Variants in MRAP2 observed in about 807,000 individuals in gnomAD.
MRAP2 encodes the protein melanocortin 2 receptor accessory protein 2.
In MRAP2, 20 loss-of-function variants were observed where a neutral mutation model predicts 17.4. The observed-to-expected ratio is 1.15, with a 90% CI of 0.81 to 1.67. MRAP2 has a LOEUF of 1.67. Ranked by LOEUF, MRAP2 falls within the 40% of genes most tolerant of loss-of-function variation. The pLI, the probability that MRAP2 is intolerant of heterozygous loss-of-function variation, is 0.00. For synonymous variants in MRAP2, 96 were observed against 88.4 expected, an observed-to-expected ratio of 1.09 and a Z score of -0.48; for missense variants, 238 against 240.0, an observed-to-expected ratio of 0.99 and a Z score of 0.05.
At chr6:84,146,102 C>T in the MRAP2 span, among the ~76,000 whole-genome samples, 3 of 152,068 alleles carry the variant, frequency 2.0e-5, no homozygotes, top group African/African-American at 4.8e-5. Flanking sequence ...TTCAGCTGCA[C>T]TTGTTCCAAT....
chr6:84,139,335 C>T, the MRAP2 span, among the ~76,000 whole-genome samples: 2 of 152,114 alleles, frequency 1.3e-5, no homozygotes, highest in Non-Finnish European at 2.9e-5. Context: ...ATTGATTGTT[C>T]TTTGTTGAAG....
chr6:84,129,934 C>T, the MRAP2 span, among the ~76,000 whole-genome samples: 1 of 152,144 alleles, frequency 6.6e-6, no homozygotes, highest in Non-Finnish European at 1.5e-5. Flanking sequence ...GCATCCTTGT[C>T]CTGTGCTGGT....
chr6:84,093,079 T>C (rs371714844), downstream of MRAP2, among the ~76,000 whole-genome samples: 14 of 152,362 alleles, frequency 9.2e-5, no homozygotes, highest in South Asian at 2.7e-3. Flanking sequence ...TGAGTAGTTT[T>C]ATCAGCCTTT....
rs559778864 is a variant in MRAP2, at chr6:84,068,624, G to GT, written c.227+5635dup. Among the ~76,000 whole-genome samples the GT allele has an allele frequency of 5.8e-3, 873 of 151,706 alleles. 5 individuals carry two copies. Among genetic ancestry groups the GT allele is most frequent in the African/African-American group, 0.02 (842 of 41,350 alleles). On this transcript the variant is annotated intron_variant, in intron 3 of 3. Coordinates refer to ENST00000257776, the MANE Select transcript of MRAP2 (RefSeq NM_138409.4). ...GACTCCTTTGTTAGGTTATTCCTAAGTTTGTTTTTTTGTTTTTTGTTTTTT... is the reference window on the plus strand; with the variant it reads ...GACTCCTTTGTTAGGTTATTCCTAAGTTTTGTTTTTTTGTTTTTTGTTTTTT...
the MRAP2 span, among the ~76,000 whole-genome samples, chr6:84,104,839 G>T: frequency 4.5e-3 from 692 of 152,172 alleles, 8 homozygotes; most frequent in African/African-American, 0.016. Flanking sequence ...CTGCCCTCCA[G>T]CCTGGGCTAC....
intron 2 of MRAP2, among the ~76,000 whole-genome samples, chr6:84,060,766 A>G (rs2129166797): frequency 6.6e-6 from 1 of 151,518 alleles, no homozygotes; most frequent in South Asian, 2.1e-4. Flanking sequence ...GCTCACTGCA[A>G]GCTCCACCTG....
intron 1 of MRAP2, among the ~76,000 whole-genome samples, chr6:84,050,664 A>G (rs2099490206): frequency 6.6e-6 from 1 of 152,198 alleles, no homozygotes; most frequent in Non-Finnish European, 1.5e-5. Flanking sequence ...TGACTTCTCT[A>G]TGTTGTGCGG....
the MRAP2 span, among the ~76,000 whole-genome samples, chr6:84,142,508 A>G: frequency 6.6e-6 from 1 of 152,192 alleles, no homozygotes; most frequent in African/African-American, 2.4e-5. Context: ...CAGAAAAAGA[A>G]GCACTTACAC....
upstream of MRAP2, chr6:84,033,711 C>G (rs539935530): frequency 3.9e-3 from 3,800 of 985,210 alleles, 9 homozygotes; most frequent in Middle Eastern, 4.7e-3. Flanking sequence ...TCCGGCGCCC[C>G]GCGCCGCCTC....
At chr6:84,034,522 TG>T (rs1562866198) in intron 1 of MRAP2, among the ~76,000 whole-genome samples, 1 of 48,054 alleles carries the variant, frequency 2.1e-5, no homozygotes, top group Non-Finnish European at 3.9e-5. Flanking sequence ...CCGCGCCCCG[TG>T]CCCCGTGCCT....
At chr6:84,138,771 C>T in the MRAP2 span, among the ~76,000 whole-genome samples, 2 of 152,150 alleles carry the variant, frequency 1.3e-5, no homozygotes, top group East Asian at 3.9e-4. Context: ...GGTACATATT[C>T]TTTCTTTTAT....
At chr6:84,052,332 C>T (rs954662072) in intron 1 of MRAP2, among the ~76,000 whole-genome samples, 11 of 151,906 alleles carry the variant, frequency 7.2e-5, no homozygotes, top group African/African-American at 1.7e-4. Flanking sequence ...TCCCTCACTG[C>T]GTGGGTGGCC....
At chr6:84,034,725 GGAGACGAGA>G (rs1362763017) in intron 1 of MRAP2, among the ~76,000 whole-genome samples, 1 of 151,946 alleles carries the variant, frequency 6.6e-6, no homozygotes, top group African/African-American at 2.4e-5. Context: ...ATGTGTCCAG[GGAGACGAGA>G]GAAGGGAACT....
chr6:84,089,923 G>A lies in MRAP2; in HGVS notation c.*442G>A, dbSNP rs564263644. On this transcript the variant is annotated 3_prime_UTR_variant, in exon 4 of 4. Coordinates refer to ENST00000257776, the MANE Select transcript of MRAP2 (RefSeq NM_138409.4). ...CCAGTGTGGCACAGGGAAGCTAAAA[G>A]ATTGGACACCTCTGATTTATACTAG... 1 of 160,252 alleles carries A rather than the reference G, an allele frequency of 6.2e-6. No homozygotes were observed. The highest frequency in any genetic ancestry group is 1.8e-4 in the South Asian group (1 of 5,422). 9.9% of individuals were successfully genotyped at this position (160,252 alleles called of 1,614,324 possible).
chr6:84,125,096 CT>C, the MRAP2 span: 1 of 1,612,820 alleles, frequency 6.2e-7, no homozygotes, highest in Non-Finnish European at 8.5e-7. Context: ...TTCATTTCAT[CT>C]GCAAAAGCAA....
At chr6:84,104,899 C>G in the MRAP2 span, among the ~76,000 whole-genome samples, 1 of 152,086 alleles carries the variant, frequency 6.6e-6, no homozygotes, top group African/African-American at 2.4e-5. Context: ...CATCAGATAC[C>G]CTAAATCATC....
In MRAP2 at chr6:84,055,306, G is replaced by T. The variant is rs1009063678; in HGVS notation, c.-7-6G>T. On this transcript the variant is annotated splice_region_variant and splice_polypyrimidine_tract_variant and intron_variant, in intron 1 of 3. Transcript: ENST00000257776. ...GTTCTGCGCTTGACTTTCTCCATTT[G>T]TGCAGGTCGGAGATGTCCGCCCAGA... is the stretch of plus-strand genomic sequence containing the variant. The T allele has an allele frequency of 1.9e-6, 3 of 1,604,532 alleles. No individual in the cohort carries two copies. Among genetic ancestry groups the T allele is most frequent in the Admixed American group, 3.5e-5 (2 of 56,582 alleles).
At chr6:84,080,640 T>A (rs888644284) in intron 3 of MRAP2, among the ~76,000 whole-genome samples, 2 of 152,350 alleles carry the variant, frequency 1.3e-5, no homozygotes, top group Admixed American at 1.3e-4. Context: ...AAGTTCAATT[T>A]TGTCTGTTTT....
At chr6:84,067,047 A>C (rs111910922) in intron 3 of MRAP2, among the ~76,000 whole-genome samples, 2,336 of 147,256 alleles carry the variant, frequency 0.016, 58 homozygotes, top group African/African-American at 0.055. Context: ...CCTTCTCGTC[A>C]CCCCCAAGCC....
Sources: allele counts gnomAD v4.1 joint callset (sites outside exome capture counted in the v4.1 genomes callset), GRCh38; gene constraint gnomAD v4.1.1; transcripts MANE v1.5; gene names NCBI Gene and HGNC (gene_info 2026-07-23, HGNC 2026-07-21).